The following MCPH1 variants were observed in gnomAD, a reference collection of about 807,000 sequenced individuals.
MCPH1 encodes the protein microcephalin 1.
In MCPH1, 104 loss-of-function variants were observed where a neutral mutation model predicts 84.5. That is an observed-to-expected ratio of 1.23 (90% CI 1.05 to 1.45). The LOEUF is 1.45. Among genes scored for constraint, MCPH1 ranks in the 40% most tolerant of loss-of-function variants. The probability of loss-of-function intolerance (pLI) is 0.00; values close to 1 mark genes in which losing one functional copy is unlikely to be tolerated. For synonymous variants in MCPH1, 514 were observed against 366.8 expected, an observed-to-expected ratio of 1.40 and a Z score of -4.58; for missense variants, 1,498 against 1,005.7, an observed-to-expected ratio of 1.49 and a Z score of -6.62.
rs1377902248 is a variant in MCPH1, at chr8:6,645,007, A to G, written c.*1958A>G. 1.3e-5 allele frequency: 2 copies of G among 152,200 alleles called. No individual in the cohort carries two copies. Among genetic ancestry groups the G allele is most frequent in the Admixed American group, 1.3e-4 (2 of 15,274 alleles). 9.4% of individuals were successfully genotyped at this position (152,200 alleles called of 1,614,324 possible). On this transcript the variant is annotated 3_prime_UTR_variant, in exon 14 of 14. Coordinates refer to ENST00000344683, the MANE Select transcript of MCPH1 (RefSeq NM_024596.5). ...AATACAATGAGTCATTCCTGAGTTC[A>G]CTCGCTTCACATTACATATGTTTCT...
At chr8:6,559,726 T>C (rs1049574252) in intron 12 of MCPH1, among the ~76,000 whole-genome samples, 1 of 152,202 alleles carries the variant, frequency 6.6e-6, no homozygotes, top group Non-Finnish European at 1.5e-5. Flanking sequence ...TTTTGCTAAA[T>C]TATTTGTGAG....
intron 11 of MCPH1, among the ~76,000 whole-genome samples, chr8:6,493,693 A>T (rs752970506): frequency 6.6e-6 from 1 of 152,146 alleles, no homozygotes; most frequent in Non-Finnish European, 1.5e-5. Context: ...CCACGCTGCT[A>T]GTCCTGTGAC....
At chr8:6,587,382 C>T (rs1448907791) in intron 12 of MCPH1, among the ~76,000 whole-genome samples, 2 of 152,126 alleles carry the variant, frequency 1.3e-5, no homozygotes, top group Non-Finnish European at 2.9e-5. Context: ...CTTGTTCCCC[C>T]AGCTTTATGG....
chr8:6,609,471 T>C (rs1032497475), intron 12 of MCPH1, among the ~76,000 whole-genome samples: 6 of 152,186 alleles, frequency 3.9e-5, no homozygotes, highest in African/African-American at 1.2e-4. Context: ...GAAAAAAACC[T>C]CAAATGATGC....
intron 2 of MCPH1, among the ~76,000 whole-genome samples, chr8:6,411,404 G>A (rs755752387): frequency 3.9e-5 from 6 of 152,218 alleles, no homozygotes; most frequent in Non-Finnish European, 7.3e-5. Flanking sequence ...AAGCAAGGCA[G>A]GTTAAATTTG....
chr8:6,480,600 C>A, intron 10 of MCPH1, 114 bp from the exon 11 acceptor site: 1 of 1,134,832 alleles, frequency 8.8e-7, no homozygotes, highest in Non-Finnish European at 1.3e-6. Flanking sequence ...TAACCAAAAT[C>A]AGTTTCAAAT....
chr8:6,412,618 G>A (rs1798693155), intron 2 of MCPH1, among the ~76,000 whole-genome samples: 1 of 152,052 alleles, frequency 6.6e-6, no homozygotes, highest in Non-Finnish European at 1.5e-5. Flanking sequence ...AAGGTGTAGG[G>A]GTTTTACCAG....
intron 13 of MCPH1, among the ~76,000 whole-genome samples, chr8:6,629,846 G>C (rs1356333106): frequency 6.6e-6 from 1 of 152,146 alleles, no homozygotes; most frequent in African/African-American, 2.4e-5. Context: ...CCCCAGTCCT[G>C]GCCCCTGATT....
intron 12 of MCPH1, among the ~76,000 whole-genome samples, chr8:6,526,370 G>C (rs1818340228): frequency 6.6e-6 from 1 of 151,248 alleles, no homozygotes; most frequent in African/African-American, 2.4e-5. Context: ...GGAGGTTGAG[G>C]ATGCAGTAAG....
chr8:6,421,350 G>C (rs1800166907), intron 3 of MCPH1, among the ~76,000 whole-genome samples: 1 of 152,138 alleles, frequency 6.6e-6, no homozygotes, highest in Non-Finnish European at 1.5e-5. Flanking sequence ...GTGGGTGGTA[G>C]AGGCCTCTCC....
chr8:6,582,108 G>T (rs1258153852), intron 12 of MCPH1, among the ~76,000 whole-genome samples: 1 of 152,176 alleles, frequency 6.6e-6, no homozygotes, highest in Non-Finnish European at 1.5e-5. Context: ...CTGTGGGATG[G>T]GAAGCCTGTG....
intron 6 of MCPH1, 44 bp from the exon 7 acceptor site, chr8:6,442,023 A>G: frequency 1.5e-6 from 2 of 1,371,406 alleles, no homozygotes; most frequent in South Asian, 1.2e-5. Context: ...CTGCTAAGAA[A>G]TACTGAAACT....
chr8:6,518,166 T>C (rs921630908), intron 12 of MCPH1, among the ~76,000 whole-genome samples: 12 of 152,138 alleles, frequency 7.9e-5, no homozygotes, highest in African/African-American at 2.2e-4. Context: ...TGGGGCTGCA[T>C]GGTTAGCGGC....
chr8:6,493,528 C>T (rs916081046), intron 11 of MCPH1, among the ~76,000 whole-genome samples: 8 of 152,280 alleles, frequency 5.3e-5, no homozygotes, highest in Non-Finnish European at 2.9e-5. Context: ...GTTGAATAGG[C>T]TGTGTTAGAT....
At chr8:6,438,886 A>G (rs1373318471) in intron 5 of MCPH1, 67 bp from the exon 6 acceptor site, 9 of 1,478,238 alleles carry the variant, frequency 6.1e-6, no homozygotes, top group Non-Finnish European at 8.4e-6. Context: ...GTTCTTTAAA[A>G]GGAATCACAT....
At chr8:6,461,706 A>G (rs1806318106) in intron 9 of MCPH1, among the ~76,000 whole-genome samples, 3 of 152,166 alleles carry the variant, frequency 2.0e-5, no homozygotes, top group Admixed American at 6.5e-5. Flanking sequence ...AGCTTGCAGC[A>G]TGTAGGTCAT....
chr8:6,499,180 T>G (rs530300339), intron 11 of MCPH1, among the ~76,000 whole-genome samples: 2 of 152,178 alleles, frequency 1.3e-5, no homozygotes, highest in Non-Finnish European at 2.9e-5. Flanking sequence ...TTTCAGGGAG[T>G]TTGGTCCTGG....
intron 13 of MCPH1, among the ~76,000 whole-genome samples, chr8:6,640,185 G>C (rs746374245): frequency 2.0e-5 from 3 of 150,742 alleles, no homozygotes; most frequent in Admixed American, 6.6e-5. Context: ...TCTTGAGCTG[G>C]AATTATTCTA....
chr8:6,470,998 A>G (rs545000146), intron 9 of MCPH1, among the ~76,000 whole-genome samples: 4 of 152,280 alleles, frequency 2.6e-5, no homozygotes, highest in South Asian at 2.1e-4. Flanking sequence ...TTTCCTTACA[A>G]TGGAGGCTGC....
Sources: gnomAD v4.1 joint callset for allele counts (sites outside exome capture counted in the v4.1 genomes callset) on GRCh38, gnomAD v4.1.1 for gene constraint, MANE v1.5 for transcripts, NCBI Gene and HGNC (gene_info 2026-07-23, HGNC 2026-07-21) for gene names.